The following ADAMTSL3 variants were observed in gnomAD, a reference collection of about 807,000 sequenced individuals.
The protein encoded by ADAMTSL3 is ADAMTS like 3.
Under a neutral mutation model 201.7 loss-of-function variants are expected in ADAMTSL3, and 128 were observed. The observed-to-expected ratio is 0.63, with a 90% CI of 0.55 to 0.73. The LOEUF is 0.73. Among genes scored for constraint, ADAMTSL3 ranks in the 30% least tolerant of loss-of-function variants. The pLI is 0.00. For missense variants in ADAMTSL3, 1,990 were observed against 2,119.6 expected, an observed-to-expected ratio of 0.94 and a Z score of 1.20; for synonymous variants, 738 against 748.4, an observed-to-expected ratio of 0.99 and a Z score of 0.23.
chr15:83,854,750 G>C (rs1001025409), intron 7 of ADAMTSL3, among the ~76,000 whole-genome samples: 1 of 152,046 alleles, frequency 6.6e-6, no homozygotes, highest in Non-Finnish European at 1.5e-5. Context: ...TTTAAAAAAA[G>C]GTTTCTGTTT....
chr15:83,671,732 T>C (rs1037028686), intron 2 of ADAMTSL3, among the ~76,000 whole-genome samples: 2 of 152,188 alleles, frequency 1.3e-5, no homozygotes, highest in Non-Finnish European at 2.9e-5. Context: ...CCATACTAAT[T>C]CCCCTTTAGC....
chr15:83,845,690 C>T (rs993798081), intron 7 of ADAMTSL3, among the ~76,000 whole-genome samples: 2 of 152,088 alleles, frequency 1.3e-5, no homozygotes, highest in Non-Finnish European at 2.9e-5. Context: ...GTCCCAGGAA[C>T]TTATATGAAG....
At chr15:83,801,651 A>ATATATATAT (rs2063518564) in intron 4 of ADAMTSL3, among the ~76,000 whole-genome samples, 19 of 31,244 alleles carry the variant, frequency 6.1e-4, no homozygotes, top group Non-Finnish European at 1.0e-3. Context: ...TATAAATATA[A>ATATATATAT]ATATATATAT....
chr15:83,925,369 C>T (rs770643984), intron 17 of ADAMTSL3, among the ~76,000 whole-genome samples: 3 of 152,154 alleles, frequency 2.0e-5, no homozygotes, highest in African/African-American at 4.8e-5. Context: ...AGCTTGTTGG[C>T]TTATGTTAGA....
At chr15:83,835,850 G>A (rs1168138688) in intron 6 of ADAMTSL3, among the ~76,000 whole-genome samples, 2 of 152,204 alleles carry the variant, frequency 1.3e-5, no homozygotes, top group African/African-American at 4.8e-5. Flanking sequence ...ACTTAAGGTA[G>A]AGGAAGTTGT....
rs1567227919 is a variant in ADAMTSL3, at chr15:83,906,618, CACACCACACA to C, written c.1701-6473_1701-6464del. Among the ~76,000 whole-genome samples the C allele has an allele frequency of 6.2e-4, 16 of 25,622 alleles. No individual in the cohort carries two copies. In the East Asian group the frequency reaches 0.024, roughly 38 times the overall value. 16.8% of individuals were successfully genotyped at this position (25,622 alleles called of 152,430 possible). On this transcript the variant is annotated intron_variant, in intron 15 of 29. Coordinates refer to ENST00000286744, the MANE Select transcript of ADAMTSL3 (RefSeq NM_207517.3). The stretch of plus-strand genomic sequence containing the variant: ...GTATCTATATATTTATATAGTGCCA[CACACCACACA>C]CACACACACACACACACACACACAC...
intron 4 of ADAMTSL3, among the ~76,000 whole-genome samples, chr15:83,802,449 A>G (rs1259871168): frequency 6.6e-6 from 1 of 152,228 alleles, no homozygotes; most frequent in Non-Finnish European, 1.5e-5. Flanking sequence ...AAAACTAAAA[A>G]CAAATATCTA....
intron 2 of ADAMTSL3, among the ~76,000 whole-genome samples, chr15:83,662,978 C>T (rs2061195993): frequency 6.6e-6 from 1 of 152,172 alleles, no homozygotes; most frequent in South Asian, 2.1e-4. Flanking sequence ...CTTCCTGCAG[C>T]AGGTAGTCCA....
intron 2 of ADAMTSL3, among the ~76,000 whole-genome samples, chr15:83,657,581 C>T (rs143354767): frequency 1.4e-3 from 209 of 152,306 alleles, no homozygotes; most frequent in African/African-American, 4.7e-3. Flanking sequence ...AAGAGTTAAT[C>T]CATTGTGAAG....
intron 25 of ADAMTSL3, among the ~76,000 whole-genome samples, chr15:84,020,703 T>G (rs767437987): frequency 7.2e-5 from 11 of 152,210 alleles, no homozygotes; most frequent in Non-Finnish European, 1.5e-4. Context: ...ATCATCATCA[T>G]GTCCTACCTC....
At chr15:84,008,607 C>G (rs1366580725) in intron 23 of ADAMTSL3, among the ~76,000 whole-genome samples, 1 of 152,100 alleles carries the variant, frequency 6.6e-6, no homozygotes, top group African/African-American at 2.4e-5. Flanking sequence ...TTTCTCTTCT[C>G]TATATATACT....
intron 19 of ADAMTSL3, among the ~76,000 whole-genome samples, chr15:83,967,490 C>G (rs190087982): frequency 1.3e-3 from 197 of 152,254 alleles, no homozygotes; most frequent in African/African-American, 4.4e-3. Flanking sequence ...AGGACCTCTT[C>G]AAGGAGAACT....
At chr15:83,851,048 C>T (rs1205248170) in intron 7 of ADAMTSL3, among the ~76,000 whole-genome samples, 1 of 152,198 alleles carries the variant, frequency 6.6e-6, no homozygotes, top group East Asian at 1.9e-4. Context: ...CCACCCTAAA[C>T]TGCTGGATCT....
chr15:83,661,435 G>T (rs1180304483), intron 2 of ADAMTSL3, among the ~76,000 whole-genome samples: 3 of 151,828 alleles, frequency 2.0e-5, no homozygotes, highest in Non-Finnish European at 4.4e-5. Flanking sequence ...TCTTCCATTT[G>T]TTTGTATCCT....
At chr15:83,789,433 T>G (rs905125546) in intron 4 of ADAMTSL3, among the ~76,000 whole-genome samples, 1 of 150,118 alleles carries the variant, frequency 6.7e-6, no homozygotes, top group Non-Finnish European at 1.5e-5. Context: ...TGTTTTCTTT[T>G]AAATTTTTTT....
At chr15:83,868,221 G>C (rs1377444607) in intron 8 of ADAMTSL3, among the ~76,000 whole-genome samples, 6 of 152,112 alleles carry the variant, frequency 3.9e-5, no homozygotes, top group African/African-American at 1.4e-4. Context: ...AGAACCGAAG[G>C]GCTTGTGCAT....
intron 3 of ADAMTSL3, among the ~76,000 whole-genome samples, chr15:83,725,437 G>A (rs2040318199): frequency 6.6e-6 from 1 of 152,138 alleles, no homozygotes; most frequent in Non-Finnish European, 1.5e-5. Context: ...TTGGTTGCCT[G>A]CACTTGTCGG....
intron 5 of ADAMTSL3, among the ~76,000 whole-genome samples, chr15:83,806,835 A>G (rs1424975907): frequency 6.6e-6 from 1 of 152,230 alleles, no homozygotes; most frequent in Non-Finnish European, 1.5e-5. Flanking sequence ...CCTGGGTGAC[A>G]GAACCAGATT....
intron 23 of ADAMTSL3, among the ~76,000 whole-genome samples, chr15:83,993,698 G>C (rs1334381756): frequency 6.6e-6 from 1 of 152,044 alleles, no homozygotes; most frequent in South Asian, 2.1e-4. Context: ...CCACATATTT[G>C]CCTATTTCTA....
Sources: gnomAD v4.1 joint callset for allele counts (sites outside exome capture counted in the v4.1 genomes callset) on GRCh38, gnomAD v4.1.1 for gene constraint, MANE v1.5 for transcripts, NCBI Gene and HGNC (gene_info 2026-07-23, HGNC 2026-07-21) for gene names.